Variants in THADA observed in about 807,000 individuals in gnomAD.
THADA encodes THADA armadillo repeat containing.
THADA carries 213 observed loss-of-function variants against 219.8 expected under a neutral mutation model. The observed-to-expected ratio is 0.97, with a 90% confidence interval of 0.87 to 1.09. THADA has a LOEUF of 1.09. Among genes scored for constraint, THADA ranks in the 50% least tolerant of loss-of-function variants. The pLI, the probability that THADA is intolerant of heterozygous loss-of-function variation, is 0.00. For synonymous variants in THADA, 1,018 were observed against 828.9 expected (o/e 1.23, Z -3.92); for missense variants, 2,956 against 2,311.3 (o/e 1.28, Z -5.72).
chr2:43,428,942 G>T (rs1334766820), intron 27 of THADA, among the ~76,000 whole-genome samples: 1 of 152,082 alleles, frequency 6.6e-6, no homozygotes, highest in Non-Finnish European at 1.5e-5. Context: ...CTACTAATGT[G>T]AGCAAATGCA....
intron 36 of THADA, among the ~76,000 whole-genome samples, chr2:43,261,374 C>A (rs1406610932): frequency 6.6e-6 from 1 of 151,588 alleles, no homozygotes; most frequent in Non-Finnish European, 1.5e-5. Context: ...CAGGCATGCA[C>A]CATCATGCCC....
chr2:43,232,829 C>T lies in THADA; in HGVS notation c.5350G>A (p.Val1784Ile), dbSNP rs201032063. The T allele has an allele frequency of 3.7e-5, 60 of 1,612,734 alleles. No individual in the cohort carries two copies. The highest frequency in any genetic ancestry group is 2.2e-4 in the Admixed American group (13 of 59,788). Residue 1784 changes from valine (V) to isoleucine (I), a missense_variant, in exon 37 of 38, where the codon GTC (valine) becomes ATC (isoleucine). Transcript: ENST00000405975. ...CACTGCTGGAGCAGATCACACAGGACGGCCAGGGCCAGGGCCAGAGCGATG... is the reference window on the plus strand; with the variant it reads ...CACTGCTGGAGCAGATCACACAGGATGGCCAGGGCCAGGGCCAGAGCGATG... ...ASIALALALA[V>I]LCDLLQQWDQ...
chr2:43,474,650 G>A (rs1197825779), intron 26 of THADA, among the ~76,000 whole-genome samples: 2 of 144,080 alleles, frequency 1.4e-5, no homozygotes, highest in Non-Finnish European at 3.0e-5. Context: ...TTTGCTTATA[G>A]GGGGCAAAAG....
rs550940251 is a variant in THADA, at chr2:43,545,616, C to A, written c.3106+3594G>T. On this transcript the variant is annotated intron_variant, in intron 20 of 37. Coordinates refer to ENST00000405975, the MANE Select transcript of THADA (RefSeq NM_022065.5). ...TTTAGTCGTGGGAGGGTGTATGTGTCGAGGAATTTATCCATTTCTTCTAGA... is the reference window on the plus strand; with the variant it reads ...TTTAGTCGTGGGAGGGTGTATGTGTAGAGGAATTTATCCATTTCTTCTAGA... Among the ~76,000 whole-genome samples the A allele has an allele frequency of 5.3e-5, 8 of 152,228 alleles. No homozygotes were observed. In the East Asian group the frequency reaches 1.5e-3, roughly 29 times the overall value.
At chr2:43,286,301 G>A (rs1368434719) in intron 35 of THADA, among the ~76,000 whole-genome samples, 1 of 152,160 alleles carries the variant, frequency 6.6e-6, no homozygotes, top group African/African-American at 2.4e-5. Flanking sequence ...CGTGCTAAAG[G>A]GTGTTTAGGC....
At position 43,552,318 on chromosome 2, in the gene THADA, T is replaced by A; in HGVS notation, c.2696A>T (p.Asn899Ile). Residue 899 changes from asparagine (N) to isoleucine (I), a missense_variant, in exon 18 of 38, where the codon AAT (asparagine) becomes ATT (isoleucine). Transcript: ENST00000405975. The stretch of plus-strand genomic sequence containing the variant: ...AGCCTGAGATACTTCTTCCTCAAGA[T>A]TTTCCATCAAGCATTTGATAACTAG... Reference protein sequence around the residue: ...TLMVIKCLMENLEEEVSQAEN... With the variant: ...TLMVIKCLMEILEEEVSQAEN... The A allele has an allele frequency of 6.3e-7, 1 of 1,594,724 alleles. No homozygotes were observed. The highest frequency in any genetic ancestry group is 1.4e-5 in the African/African-American group (1 of 73,748).
At chr2:43,401,937 TTG>T (rs1181924410) in intron 28 of THADA, among the ~76,000 whole-genome samples, 1 of 145,732 alleles carries the variant, frequency 6.9e-6, no homozygotes, top group Non-Finnish European at 1.5e-5. Context: ...TGGTTTTTTG[TTG>T]TTTTTTTTTT....
At chr2:43,511,308 T>C (rs1690411782) in intron 22 of THADA, among the ~76,000 whole-genome samples, 1 of 152,132 alleles carries the variant, frequency 6.6e-6, no homozygotes, top group South Asian at 2.1e-4. Flanking sequence ...TAAATACTAG[T>C]TCAATAATGC....
chr2:43,326,436 T>TG (rs1249130284), intron 30 of THADA, among the ~76,000 whole-genome samples: 7 of 152,080 alleles, frequency 4.6e-5, no homozygotes, highest in Non-Finnish European at 8.8e-5. Context: ...GACAATGGTA[T>TG]GGGGGGCGGG....
chr2:43,585,658 C>A (rs1487914463), intron 7 of THADA, among the ~76,000 whole-genome samples: 1 of 151,784 alleles, frequency 6.6e-6, no homozygotes, highest in African/African-American at 2.4e-5. Context: ...CTGAACAAAA[C>A]CAGCAAACAG....
intron 26 of THADA, among the ~76,000 whole-genome samples, chr2:43,463,860 G>T (rs1001122742): frequency 6.6e-5 from 10 of 152,152 alleles, no homozygotes; most frequent in Admixed American, 1.3e-4. Context: ...TCCTCTCAGT[G>T]CTCCAGACAC....
chr2:43,257,082 G>C (rs1558476570), intron 36 of THADA, among the ~76,000 whole-genome samples: 1 of 152,194 alleles, frequency 6.6e-6, no homozygotes, highest in South Asian at 2.1e-4. Context: ...TAGACAGGTA[G>C]AGGTCCCTCT....
intron 31 of THADA, among the ~76,000 whole-genome samples, chr2:43,318,338 C>T (rs549148678): frequency 3.9e-5 from 6 of 152,120 alleles, no homozygotes; most frequent in African/African-American, 1.4e-4. Flanking sequence ...CCACATCTGA[C>T]CTTAGTTGCC....
chr2:43,580,478 C>T (rs1003658375), intron 8 of THADA, among the ~76,000 whole-genome samples: 2 of 150,660 alleles, frequency 1.3e-5, no homozygotes, highest in Non-Finnish European at 3.0e-5. Flanking sequence ...ATAAAAGTAA[C>T]TTTAACTACT....
intron 28 of THADA, among the ~76,000 whole-genome samples, chr2:43,406,943 C>A (rs1675612763): frequency 6.6e-6 from 1 of 152,190 alleles, no homozygotes; most frequent in Admixed American, 6.5e-5. Flanking sequence ...CAAAACCCTT[C>A]ACAATGTTTC....
At chr2:43,243,475 C>T (rs1373496699) in intron 36 of THADA, among the ~76,000 whole-genome samples, 1 of 152,186 alleles carries the variant, frequency 6.6e-6, no homozygotes, top group Admixed American at 6.5e-5. Flanking sequence ...TCTCACACAA[C>T]CGCAAACAGT....
chr2:43,366,627 G>A (rs754313652), intron 29 of THADA, among the ~76,000 whole-genome samples: 8 of 152,264 alleles, frequency 5.3e-5, no homozygotes, highest in Non-Finnish European at 1.2e-4. Flanking sequence ...AGGAAACCTA[G>A]GCCAACAAGC....
At chr2:43,577,624 T>G (rs932940000) in intron 9 of THADA, among the ~76,000 whole-genome samples, 5 of 152,174 alleles carry the variant, frequency 3.3e-5, no homozygotes, top group Admixed American at 6.5e-5. Flanking sequence ...CATAATATAT[T>G]TTTCTAAGGT....
In THADA at chr2:43,287,068, G is replaced by C. The variant is rs199852900; in HGVS notation, c.5011-7C>G. On this transcript the variant is annotated splice_polypyrimidine_tract_variant and splice_region_variant and intron_variant, in intron 34 of 37. Transcript: ENST00000405975. The stretch of plus-strand genomic sequence containing the variant: ...CAGCTATCAATTCCCTGTTCTAAAA[G>C]CACAAAATGTACCTATCAGTAGTTC... 194 of 1,609,362 alleles carry C rather than the reference G, an allele frequency of 1.2e-4. No homozygotes were observed. Among genetic ancestry groups the C allele is most frequent in the Non-Finnish European group, 1.6e-4 (186 of 1,177,256 alleles).
Sources: gnomAD v4.1 joint callset for allele counts (sites outside exome capture counted in the v4.1 genomes callset) on GRCh38, gnomAD v4.1.1 for gene constraint, MANE v1.5 for transcripts, NCBI Gene and HGNC (gene_info 2026-07-23, HGNC 2026-07-21) for gene names.